The following DLD variants were observed in gnomAD, a reference collection of about 807,000 sequenced individuals.
The protein encoded by DLD is dihydrolipoyl dehydrogenase, mitochondrial.
Under a neutral mutation model 62.2 loss-of-function variants are expected in DLD, and 36 were observed. The ratio of observed to expected loss-of-function variants is 0.58; its 90% CI spans 0.44 to 0.76. The LOEUF (loss-of-function observed/expected upper bound fraction) is 0.76. Ranked by LOEUF, DLD falls within the 30% of genes least tolerant of loss-of-function variation. DLD has a pLI of 0.00. For missense variants in DLD, 541 were observed against 608.6 expected (o/e 0.89, Z 1.17); for synonymous variants, 204 against 199.6 (o/e 1.02, Z -0.19).
In DLD at chr7:107,891,295, G is replaced by A; in HGVS notation, c.39+6G>A. 1 of 1,614,110 alleles carries A rather than the reference G, an allele frequency of 6.2e-7. No individual in the cohort carries two copies. ...TGTACTGCTCCTTGGCCAAGGTGAGGGCCGAGTAGGTGAGGTCGTGTTGAG... is the reference window on the plus strand; with the variant it reads ...TGTACTGCTCCTTGGCCAAGGTGAGAGCCGAGTAGGTGAGGTCGTGTTGAG... On this transcript the variant is annotated splice_donor_region_variant and intron_variant, in intron 1 of 13. Transcript: ENST00000205402.
Position 107,917,979 on chromosome 7 carries a change from C to A in DLD, c.1292C>A (p.Thr431Lys), listed in dbSNP as rs752789797. 1 of 1,614,054 alleles carries A rather than the reference C, an allele frequency of 6.2e-7. No homozygotes were observed. The highest frequency in any genetic ancestry group is 1.1e-5 in the South Asian group (1 of 91,082). Reference protein sequence around the residue: ...FPFAANSRAKTNADTDGMVKI... With the variant: ...FPFAANSRAKKNADTDGMVKI... ...TTTGCTGCTAACAGCAGAGCTAAGA[C>A]AAATGCTGACACAGATGGCATGGTG... The change falls in exon 12 of 14, where the codon ACA becomes AAA. Residue 431 changes from threonine to lysine, a missense_variant. Coordinates refer to ENST00000205402, the MANE Select transcript of DLD (RefSeq NM_000108.5).
chr7:107,895,224 A>G (rs933763670), intron 2 of DLD, among the ~76,000 whole-genome samples: 17 of 152,240 alleles, frequency 1.1e-4, no homozygotes, highest in Non-Finnish European at 2.2e-4. Context: ...TTTTTTAACT[A>G]GGAAATGACA....
chr7:107,905,101 A>G (rs112595657), intron 6 of DLD, 43 bp downstream of exon 6: 3 of 1,406,466 alleles, frequency 2.1e-6, no homozygotes, highest in East Asian at 4.7e-5. Flanking sequence ...TTTGAATACA[A>G]ATTAAACTTT....
At chr7:107,910,149 C>G (rs2116241070) in intron 8 of DLD, among the ~76,000 whole-genome samples, 1 of 152,288 alleles carries the variant, frequency 6.6e-6, no homozygotes, top group African/African-American at 2.4e-5. Flanking sequence ...GCCACCACAC[C>G]CAGCCGGGAA....
chr7:107,902,835 T>G (rs555013415), intron 4 of DLD, among the ~76,000 whole-genome samples: 6 of 152,342 alleles, frequency 3.9e-5, no homozygotes, highest in African/African-American at 1.4e-4. Context: ...TCTTGTTTGT[T>G]GAATGTTTTT....
intron 5 of DLD, chr7:107,904,622 A>G (rs771729997): frequency 1.1e-5 from 5 of 448,348 alleles, no homozygotes; most frequent in Non-Finnish European, 2.2e-5. Context: ...AAAATTTCAG[A>G]TGATGTTTTA....
At chr7:107,896,380 C>G (rs555071555) in intron 2 of DLD, among the ~76,000 whole-genome samples, 1 of 152,112 alleles carries the variant, frequency 6.6e-6, no homozygotes, top group South Asian at 2.1e-4. Context: ...TGCGTACTCT[C>G]TGATCCTCAC....
chr7:107,898,622 G>T (rs1045707544), intron 2 of DLD, among the ~76,000 whole-genome samples: 3 of 143,946 alleles, frequency 2.1e-5, no homozygotes, highest in African/African-American at 7.8e-5. Flanking sequence ...ACAGAGTCTT[G>T]CACTGTCGCC....
In DLD at chr7:107,919,305, T is replaced by C. The variant is rs1221158124; in HGVS notation, c.*46T>C. On this transcript the variant is annotated 3_prime_UTR_variant, in exon 14 of 14. Transcript: ENST00000205402. Reference sequence around the variant, plus strand: ...TTTTTCTGAAATTTCCTGGGAGCTTTTGTAGAAGTCACATTCCTGAACAGG... The same window carrying C: ...TTTTTCTGAAATTTCCTGGGAGCTTCTGTAGAAGTCACATTCCTGAACAGG... 2.7e-6 allele frequency: 4 copies of C among 1,465,492 alleles called. No homozygotes were observed. In the African/African-American group the frequency reaches 5.5e-5, roughly 20 times the overall value. 90.8% of individuals were successfully genotyped at this position (1,465,492 alleles called of 1,614,324 possible).
At chr7:107,894,880 G>A (rs988235820) in intron 2 of DLD, among the ~76,000 whole-genome samples, 1 of 152,198 alleles carries the variant, frequency 6.6e-6, no homozygotes. Flanking sequence ...TTTATCTGAG[G>A]TACATGCTTA....
intron 5 of DLD, chr7:107,904,524 T>C: frequency 2.8e-6 from 1 of 362,960 alleles, no homozygotes; most frequent in Non-Finnish European, 5.3e-6. Context: ...TGATTAAACT[T>C]TTTAATGTTA....
In DLD at chr7:107,901,633, C is replaced by T. The variant is rs2031878184; in HGVS notation, c.119-105C>T. ...ACTATGTAGAAAATGCTGATTTGTA[C>T]TGTAAGAGGTTTAAGTATCGGGTTA... On this transcript the variant is annotated intron_variant, in intron 2 of 13. Transcript: ENST00000205402. The T allele has an allele frequency of 5.8e-5, 51 of 881,314 alleles. No individual in the cohort carries two copies. In the South Asian group the frequency reaches 6.9e-4, roughly 12 times the overall value. The allele number at this position is 881,314 out of a possible 1,614,324, so 54.6% of individuals were successfully genotyped here. A position where few individuals can be genotyped will look rare whatever the true frequency, so the allele number is the denominator to read the frequency against.
Position 107,919,075 on chromosome 7 carries a change from A to T in DLD, c.1440A>T (p.Ile480=). The change falls in exon 13 of 14, where the codon ATA becomes ATT. Residue 480 remains isoleucine (I), a synonymous_variant. Transcript: ENST00000205402. ...AATATGGAGCATCCTGTGAAGATAT[A>T]GCTAGAGTCTGTCATGCACATCCGG... is the stretch of plus-strand genomic sequence containing the variant. The part of the protein sequence containing the change: ...ALEYGASCED[I]ARVCHAHPTL... The T allele has an allele frequency of 6.2e-7, 1 of 1,613,932 alleles. No individual in the cohort carries two copies. Among genetic ancestry groups the T allele is most frequent in the Non-Finnish European group, 8.5e-7 (1 of 1,179,820 alleles).
chr7:107,895,654 G>T (rs535585346), intron 2 of DLD, among the ~76,000 whole-genome samples: 1 of 152,350 alleles, frequency 6.6e-6, no homozygotes, highest in African/African-American at 2.4e-5. Flanking sequence ...TCAGTTGAGG[G>T]AGACAAACAT....
intron 9 of DLD, 140 bp downstream of exon 9, chr7:107,915,836 T>C: frequency 2.9e-6 from 2 of 696,524 alleles, no homozygotes; most frequent in Non-Finnish European, 4.8e-6. Flanking sequence ...CAGTTGCTTA[T>C]CAAATTATTG....
rs752264923 is a variant in DLD at position 107,905,044 on chromosome 7, T to C, written c.424T>C (p.Phe142Leu). ...TTTAACAGGTGGAATTGCCCACTTA[T>C]TCAAACAGAATAAGGTCAGTGTTTA... ...KALTGGIAHL[F>L]KQNKVVHVNG... Residue 142 changes from phenylalanine to leucine, a missense_variant, in exon 6 of 14, where the codon TTC becomes CTC. By Grantham distance (22) the Phe-to-Leu change is conservative (BLOSUM62 0). Transcript: ENST00000205402. The C allele has an allele frequency of 8.1e-6, 13 of 1,608,342 alleles. No individual in the cohort carries two copies. The highest frequency in any genetic ancestry group is 1.7e-5 in the Admixed American group (1 of 59,986).
intron 2 of DLD, among the ~76,000 whole-genome samples, chr7:107,895,632 A>G (rs2031701925): frequency 6.6e-6 from 1 of 152,250 alleles, no homozygotes; most frequent in South Asian, 2.1e-4. Context: ...CAGCTTTTAT[A>G]GAGCTTACAA....
At chr7:107,918,855 C>A (rs2032335168) in intron 12 of DLD, among the ~76,000 whole-genome samples, 155 bp from the exon 13 acceptor site, 2 of 152,184 alleles carry the variant, frequency 1.3e-5, no homozygotes, top group South Asian at 4.1e-4. Flanking sequence ...TCTGTGTCAC[C>A]TTTTCTATTA....
At chr7:107,900,558 A>G (rs908399286) in intron 2 of DLD, among the ~76,000 whole-genome samples, 17 of 152,104 alleles carry the variant, frequency 1.1e-4, no homozygotes, top group Non-Finnish European at 2.2e-4. Flanking sequence ...ATAAAGCTTG[A>G]TTATTGCTCT....
Sources: gnomAD v4.1 joint callset for allele counts (sites outside exome capture counted in the v4.1 genomes callset) on GRCh38, gnomAD v4.1.1 for gene constraint, MANE v1.5 for transcripts, NCBI Gene and HGNC (gene_info 2026-07-23, HGNC 2026-07-21) for gene names.